Variants in RAB3GAP2 observed in about 807,000 individuals in gnomAD.
RAB3GAP2 encodes the protein rab3 GTPase-activating protein non-catalytic subunit.
In RAB3GAP2, 87 loss-of-function variants were observed where a neutral mutation model predicts 185.3. The observed-to-expected ratio is 0.47, with a 90% CI of 0.39 to 0.56. The LOEUF (loss-of-function observed/expected upper bound fraction) is 0.56, where lower values mean the gene tolerates loss of function less well. RAB3GAP2 is among the 20% of genes least tolerant of loss of function. The probability of loss-of-function intolerance (pLI) is 0.00; values close to 1 mark genes in which losing one functional copy is unlikely to be tolerated. For missense variants in RAB3GAP2, 1,492 were observed against 1,638.2 expected (o/e 0.91, Z 1.54); for synonymous variants, 554 against 576.1 (o/e 0.96, Z 0.55).
At chr1:220,152,556 G>A (rs1353725239) in intron 33 of RAB3GAP2, among the ~76,000 whole-genome samples, 1 of 152,034 alleles carries the variant, frequency 6.6e-6, no homozygotes, top group African/African-American at 2.4e-5. Flanking sequence ...CCCACCTCAG[G>A]GCCTTTGTAA....
rs775527991 is a variant in RAB3GAP2 at position 220,163,744 on chromosome 1, C to CATACATATATATATATAT, written c.3154+988_3154+989insATATATATATATATGTAT. ...GTCAAGGTAAATATATAAATACATACATATATATATATATATATATATATA... is the reference window on the plus strand; with the variant it reads ...GTCAAGGTAAATATATAAATACATACATACATATATATATATATATATATATATATATATATATATATA... On this transcript the variant is annotated intron_variant, in intron 27 of 34. Coordinates refer to ENST00000358951, the MANE Select transcript of RAB3GAP2 (RefSeq NM_012414.4). Among the ~76,000 whole-genome samples, 360 of 122,858 alleles carry CATACATATATATATATAT rather than the reference C, an allele frequency of 2.9e-3. 5 individuals carry two copies. Among genetic ancestry groups the CATACATATATATATATAT allele is most frequent in the African/African-American group, 9.7e-3 (309 of 31,722 alleles). 80.6% of individuals were successfully genotyped at this position (122,858 alleles called of 152,430 possible). A position where few individuals can be genotyped will look rare whatever the true frequency, so the allele number is the denominator to read the frequency against.
chr1:220,185,046 A>G (rs965799776), intron 18 of RAB3GAP2, among the ~76,000 whole-genome samples: 1 of 152,180 alleles, frequency 6.6e-6, no homozygotes, highest in African/African-American at 2.4e-5. Context: ...TATGACAAAC[A>G]AAAGTCACAA....
At chr1:220,199,456 A>C (rs1475959935) in intron 9 of RAB3GAP2, among the ~76,000 whole-genome samples, 1 of 152,200 alleles carries the variant, frequency 6.6e-6, no homozygotes, top group East Asian at 1.9e-4. Flanking sequence ...GTCAGTAAGT[A>C]AATAACTCCA....
Position 220,230,323 on chromosome 1 carries a change from A to G in RAB3GAP2, c.180+2476T>C, listed in dbSNP as rs187912621. Among the ~76,000 whole-genome samples the G allele has an allele frequency of 4.8e-4, 73 of 152,354 alleles. 2 individuals carry two copies. Among genetic ancestry groups the G allele is most frequent in the South Asian group, 3.7e-3 (18 of 4,830 alleles). ...ACAACCACAAACAAGAGACATAGCA[A>G]AAGCCATGCAATAGTTTAAATCCGG... On this transcript the variant is annotated intron_variant, in intron 2 of 34. Coordinates refer to ENST00000358951, the MANE Select transcript of RAB3GAP2 (RefSeq NM_012414.4).
intron 28 of RAB3GAP2, among the ~76,000 whole-genome samples, chr1:220,159,635 C>A (rs1251698540): frequency 6.6e-6 from 1 of 152,104 alleles, no homozygotes; most frequent in East Asian, 1.9e-4. Flanking sequence ...AAGAATAATC[C>A]TTTTCAAATA....
rs1003290247 is a variant in RAB3GAP2, at chr1:220,158,510, G to A, written c.3262-634C>T. On this transcript the variant is annotated intron_variant, in intron 29 of 34. Transcript: ENST00000358951. The surrounding 1 kb of genome is among the most constrained non-coding windows in gnomAD (Gnocchi z 4.3). ...GGCTGGAGTACAGTGGCACGATCTC[G>A]GCTCACTGCAACCTCCACCTCCCAG... 7.9e-5 allele frequency among the ~76,000 whole-genome samples: 12 copies of A among 151,276 alleles called. No homozygotes were observed. Among genetic ancestry groups the A allele is most frequent in the African/African-American group, 2.9e-4 (12 of 41,092 alleles).
At chr1:220,216,702 C>G (rs560582113) in intron 2 of RAB3GAP2, among the ~76,000 whole-genome samples, 1 of 152,262 alleles carries the variant, frequency 6.6e-6, no homozygotes, top group East Asian at 1.9e-4. Flanking sequence ...AAATCTCCAT[C>G]TCAATGCAAT....
chr1:220,246,193 C>T (rs1659811588), intron 1 of RAB3GAP2, among the ~76,000 whole-genome samples: 3 of 152,128 alleles, frequency 2.0e-5, no homozygotes, highest in Admixed American at 6.5e-5. Context: ...CATCACTGGC[C>T]GTCAGAGAAA....
chr1:220,203,331 G>C (rs11118501), intron 8 of RAB3GAP2, among the ~76,000 whole-genome samples: 12,492 of 152,194 alleles, frequency 0.082, 708 homozygotes, highest in African/African-American at 0.16. Flanking sequence ...GAATATTGCT[G>C]AGTTCTGGCT....
chr1:220,179,244 C>CAAAA (rs71169437), intron 21 of RAB3GAP2, among the ~76,000 whole-genome samples: 162 of 55,768 alleles, frequency 2.9e-3, no homozygotes, highest in African/African-American at 3.8e-3. Context: ...GAGACTGTCT[C>CAAAA]AAAAAAAAAA....
rs1281070415 is a variant in RAB3GAP2 at position 220,257,668 on chromosome 1, T to G, written c.115+14555A>C. On this transcript the variant is annotated intron_variant, in intron 1 of 34. Coordinates refer to ENST00000358951, the MANE Select transcript of RAB3GAP2 (RefSeq NM_012414.4). ...ACCTAACATCTCAAGTAAAAAGAAC[T>G]AGAGAACCAAGAGTAAATAAACCCC... is the stretch of plus-strand genomic sequence containing the variant. 9.2e-5 allele frequency among the ~76,000 whole-genome samples: 14 copies of G among 151,598 alleles called. No individual in the cohort carries two copies. The East Asian group carries it at 2.7e-3, about 29-fold the overall frequency.
intron 33 of RAB3GAP2, 111 bp downstream of exon 33, chr1:220,153,074 G>A (rs1657792518): frequency 1.2e-6 from 1 of 818,396 alleles, no homozygotes; most frequent in Non-Finnish European, 2.2e-6. Flanking sequence ...ATACCTAGAT[G>A]TTCTAATAAA....
intron 1 of RAB3GAP2, among the ~76,000 whole-genome samples, chr1:220,234,625 A>C (rs1487555023): frequency 5.3e-5 from 8 of 152,226 alleles, no homozygotes; most frequent in Non-Finnish European, 2.9e-5. Context: ...ATCCTGTAGT[A>C]GGAGCTGAGA....
At chr1:220,213,125 A>T (rs1398269503) in intron 3 of RAB3GAP2, among the ~76,000 whole-genome samples, 157 bp from the exon 4 acceptor site, 2 of 152,214 alleles carry the variant, frequency 1.3e-5, no homozygotes, top group African/African-American at 4.8e-5. Flanking sequence ...TATAAGATAA[A>T]CATGTTTATA....
intron 9 of RAB3GAP2, among the ~76,000 whole-genome samples, chr1:220,198,975 G>A (rs1306383559): frequency 6.6e-6 from 1 of 152,172 alleles, no homozygotes; most frequent in Non-Finnish European, 1.5e-5. Context: ...GGCAGAGGGA[G>A]CAGTAATTCT....
chr1:220,259,875 C>A (rs963121592), intron 1 of RAB3GAP2, among the ~76,000 whole-genome samples: 6 of 152,062 alleles, frequency 3.9e-5, no homozygotes, highest in African/African-American at 1.4e-4. Context: ...CTACAAGGAA[C>A]TTAAACAAAT....
chr1:220,159,490 T>G, intron 28 of RAB3GAP2, 69 bp from the exon 29 acceptor site: 1 of 1,168,200 alleles, frequency 8.6e-7, no homozygotes, highest in Admixed American at 2.0e-5. Context: ...ATGGCACAAA[T>G]AATAAAAAGT....
At position 220,157,494 on chromosome 1, in the gene RAB3GAP2, G is replaced by A. The variant is rs137894782; in HGVS notation, c.3337-6C>T. On this transcript the variant is annotated splice_polypyrimidine_tract_variant and splice_region_variant and intron_variant, in intron 30 of 34. Coordinates refer to ENST00000358951, the MANE Select transcript of RAB3GAP2 (RefSeq NM_012414.4). ...TCATCCCTGCTAACATCTGCCTAAG[G>A]GTTTTGAGAATGGAGGACTGTGTTC... 3.8e-5 allele frequency: 61 copies of A among 1,612,336 alleles called. No homozygotes were observed. In the African/African-American group the frequency reaches 7.1e-4, roughly 19 times the overall value.
intron 1 of RAB3GAP2, chr1:220,254,675 C>A (rs1571931566): frequency 9.2e-6 from 7 of 762,574 alleles, no homozygotes; most frequent in Non-Finnish European, 1.5e-5. Flanking sequence ...TGATTTTAAA[C>A]AGAGAAAATA....
Sources: allele counts gnomAD v4.1 joint callset (sites outside exome capture counted in the v4.1 genomes callset), GRCh38; gene constraint gnomAD v4.1.1; non-coding constraint Gnocchi (gnomAD v3.1); transcripts MANE v1.5; gene names NCBI Gene and HGNC (gene_info 2026-07-23, HGNC 2026-07-21).